MIPOL1: variants seen among roughly 807,000 people sequenced by gnomAD.
MIPOL1 encodes mirror-image polydactyly gene 1 protein.
A neutral mutation model predicts 60.9 loss-of-function variants in MIPOL1; 57 were observed. That is an observed-to-expected ratio of 0.94 (90% CI 0.76 to 1.17). The LOEUF (loss-of-function observed/expected upper bound fraction) is 1.17. Among genes scored for constraint, MIPOL1 ranks in the 50% most tolerant of loss-of-function variants. The pLI, the probability that MIPOL1 is intolerant of heterozygous loss-of-function variation, is 0.00. For missense variants in MIPOL1, 551 were observed against 511.6 expected (o/e 1.08, Z -0.74); for synonymous variants, 179 against 168.8 (o/e 1.06, Z -0.47).
intron 7 of MIPOL1, among the ~76,000 whole-genome samples, chr14:37,291,353 T>C (rs2085038005): frequency 6.6e-6 from 1 of 152,258 alleles, no homozygotes; most frequent in South Asian, 2.1e-4. Context: ...TGCTTTTGCA[T>C]TGACTGTGAT....
intron 1 of MIPOL1, among the ~76,000 whole-genome samples, chr14:37,213,245 GA>G (rs1392935391): frequency 1.3e-5 from 2 of 152,192 alleles, no homozygotes; most frequent in African/African-American, 2.4e-5. Context: ...CAATCCTGGA[GA>G]AACAGAGATA....
intron 7 of MIPOL1, among the ~76,000 whole-genome samples, chr14:37,290,083 C>A (rs892393976): frequency 6.6e-6 from 1 of 152,122 alleles, no homozygotes; most frequent in African/African-American, 2.4e-5. Flanking sequence ...TCCTTGTATT[C>A]AAATTTTTTG....
intron 10 of MIPOL1, among the ~76,000 whole-genome samples, chr14:37,384,271 CT>C (rs1292915554): frequency 2.6e-5 from 4 of 151,794 alleles, no homozygotes; most frequent in African/African-American, 9.7e-5. Flanking sequence ...TTACTTTTCT[CT>C]TATTTATTAT....
At chr14:37,461,224 T>C (rs1268804087) in intron 11 of MIPOL1, among the ~76,000 whole-genome samples, 1 of 152,174 alleles carries the variant, frequency 6.6e-6, no homozygotes, top group African/African-American at 2.4e-5. Context: ...TTTTTGGACT[T>C]ACAGTTCCAC....
At chr14:37,456,176 AG>A (rs1317273501) in intron 11 of MIPOL1, among the ~76,000 whole-genome samples, 3 of 152,076 alleles carry the variant, frequency 2.0e-5, no homozygotes, top group African/African-American at 7.2e-5. Context: ...GACATAGGTC[AG>A]TTTTCAGTCC....
At chr14:37,311,702 A>G (rs2087343697) in intron 9 of MIPOL1, among the ~76,000 whole-genome samples, 1 of 152,144 alleles carries the variant, frequency 6.6e-6, no homozygotes, top group Non-Finnish European at 1.5e-5. Context: ...TACAATATAG[A>G]CAGCTCCCAT....
chr14:37,427,338 A>G (rs1209348841), intron 11 of MIPOL1, among the ~76,000 whole-genome samples: 1 of 152,190 alleles, frequency 6.6e-6, no homozygotes, highest in Non-Finnish European at 1.5e-5. Context: ...GTATGATTCC[A>G]CTTATATGAG....
intron 1 of MIPOL1, among the ~76,000 whole-genome samples, chr14:37,217,658 T>C (rs1192862404): frequency 6.6e-6 from 1 of 152,208 alleles, no homozygotes; most frequent in Non-Finnish European, 1.5e-5. Flanking sequence ...TCATTTCAAT[T>C]GACGCTGAAA....
chr14:37,321,774 G>A (rs1439841114), intron 9 of MIPOL1, among the ~76,000 whole-genome samples: 2 of 151,510 alleles, frequency 1.3e-5, no homozygotes, highest in East Asian at 1.9e-4. Flanking sequence ...AGGTCTTTAC[G>A]ATTACTGTAT....
chr14:37,450,088 C>T (rs2094395704), intron 11 of MIPOL1, among the ~76,000 whole-genome samples: 1 of 152,200 alleles, frequency 6.6e-6, no homozygotes, highest in South Asian at 2.1e-4. Context: ...GCTGGGATTA[C>T]AGGCCTGAGC....
chr14:37,374,882 A>G (rs1258207365), intron 10 of MIPOL1, among the ~76,000 whole-genome samples: 1 of 152,178 alleles, frequency 6.6e-6, no homozygotes, highest in East Asian at 1.9e-4. Context: ...TTTTGGTTCC[A>G]TATGAAATTT....
chr14:37,364,598 C>T (rs1054159329), intron 9 of MIPOL1, among the ~76,000 whole-genome samples: 2 of 152,050 alleles, frequency 1.3e-5, no homozygotes, highest in South Asian at 2.1e-4. Context: ...GTTTTTATGT[C>T]AGAACCATAC....
At chr14:37,337,535 A>AT (rs1180206019) in intron 9 of MIPOL1, among the ~76,000 whole-genome samples, 2 of 148,952 alleles carry the variant, frequency 1.3e-5, no homozygotes, top group Non-Finnish European at 3.0e-5. Flanking sequence ...CGCCTGGCTA[A>AT]TTTTTTGTAT....
chr14:37,256,308 T>C (rs894450098), intron 3 of MIPOL1, among the ~76,000 whole-genome samples: 2 of 151,890 alleles, frequency 1.3e-5, no homozygotes, highest in South Asian at 2.1e-4. Context: ...AGAAATATGA[T>C]AAGGGAAGAC....
At chr14:37,521,373 C>G (rs2095412094) in intron 12 of MIPOL1, among the ~76,000 whole-genome samples, 1 of 152,094 alleles carries the variant, frequency 6.6e-6, no homozygotes, top group South Asian at 2.1e-4. Context: ...TTTGTTCTCT[C>G]TTTAACTTCA....
intron 3 of MIPOL1, among the ~76,000 whole-genome samples, chr14:37,253,391 T>C (rs1037085130): frequency 1.3e-5 from 2 of 151,824 alleles, no homozygotes; most frequent in Admixed American, 6.6e-5. Context: ...TGAGGAATGC[T>C]ATATGTAAAG....
intron 9 of MIPOL1, among the ~76,000 whole-genome samples, chr14:37,317,488 A>G (rs1336452347): frequency 6.6e-6 from 1 of 152,110 alleles, no homozygotes; most frequent in Non-Finnish European, 1.5e-5. Context: ...ACTAAGACTG[A>G]GATTTTAATG....
At chr14:37,211,243 C>G (rs1966839459) in intron 1 of MIPOL1, among the ~76,000 whole-genome samples, 1 of 118,202 alleles carries the variant, frequency 8.5e-6, no homozygotes. Flanking sequence ...AAAAAAAACA[C>G]TTTCACGAGA....
At chr14:37,505,697 A>G (rs1011330329) in intron 12 of MIPOL1, 4 of 152,226 alleles carry the variant, frequency 2.6e-5, no homozygotes, top group Admixed American at 6.5e-5. Flanking sequence ...AGACTGGCAC[A>G]AGACAAGGAT....
Sources: gnomAD v4.1 joint callset for allele counts (sites outside exome capture counted in the v4.1 genomes callset) on GRCh38, gnomAD v4.1.1 for gene constraint, MANE v1.5 for transcripts, NCBI Gene and HGNC (gene_info 2026-07-23, HGNC 2026-07-21) for gene names.